The following FTO variants were observed in gnomAD, a reference collection of about 807,000 sequenced individuals.
FTO encodes the protein alpha-ketoglutarate-dependent dioxygenase FTO.
FTO carries 47 observed loss-of-function variants against 63.9 expected under a neutral mutation model. The observed-to-expected ratio is 0.74, with a 90% confidence interval of 0.58 to 0.94. FTO has a LOEUF of 0.94. Among genes scored for constraint, FTO ranks in the 40% least tolerant of loss-of-function variants. The pLI is 0.00. For missense variants in FTO, 562 were observed against 618.1 expected (o/e 0.91, Z 0.96); for synonymous variants, 207 against 224.4 (o/e 0.92, Z 0.69).
intron 8 of FTO, among the ~76,000 whole-genome samples, chr16:53,945,429 G>A (rs1329515856): frequency 1.3e-5 from 2 of 152,208 alleles, no homozygotes; most frequent in Non-Finnish European, 2.9e-5. Context: ...AAGCCAAGAC[G>A]GCCCAGGTTG....
chr16:53,851,757 ATAT>A (rs1168747122), intron 4 of FTO, among the ~76,000 whole-genome samples: 3 of 152,040 alleles, frequency 2.0e-5, no homozygotes, highest in African/African-American at 4.8e-5. Flanking sequence ...TATGTCATTC[ATAT>A]TATTATTGTT....
intron 8 of FTO, among the ~76,000 whole-genome samples, chr16:53,938,744 C>G (rs1192883019): frequency 1.3e-5 from 2 of 152,128 alleles, no homozygotes; most frequent in Non-Finnish European, 2.9e-5. Flanking sequence ...CTGACCCACT[C>G]AGGAAAGTAT....
intron 8 of FTO, among the ~76,000 whole-genome samples, chr16:54,090,453 T>C (rs1330298687): frequency 6.6e-6 from 1 of 152,188 alleles, no homozygotes; most frequent in African/African-American, 2.4e-5. Flanking sequence ...TAGAAATAGA[T>C]AGTGGTGATG....
intron 7 of FTO, among the ~76,000 whole-genome samples, chr16:53,895,945 T>C (rs888354277): frequency 1.3e-5 from 2 of 152,168 alleles, no homozygotes; most frequent in African/African-American, 4.8e-5. Context: ...TTAACCTTGT[T>C]TCTGTAGGAT....
intron 8 of FTO, among the ~76,000 whole-genome samples, chr16:54,088,606 C>A (rs2086303197): frequency 6.6e-6 from 1 of 152,144 alleles, no homozygotes; most frequent in South Asian, 2.1e-4. Context: ...ATTTTGAATG[C>A]CCCACAAATA....
chr16:53,757,873 T>C (rs1330711680), intron 1 of FTO, among the ~76,000 whole-genome samples: 1 of 152,330 alleles, frequency 6.6e-6, no homozygotes, highest in East Asian at 1.9e-4. Flanking sequence ...TGCTTAGATG[T>C]TGAGTGCTAT....
chr16:53,904,683 C>T (rs1337442422), intron 7 of FTO, among the ~76,000 whole-genome samples: 3 of 152,162 alleles, frequency 2.0e-5, no homozygotes, highest in Non-Finnish European at 2.9e-5. Context: ...GGCTCCCCAT[C>T]CCTGGAAACA....
rs189656616 is a variant in FTO at position 53,959,350 on chromosome 16, C to T, written c.1364+25241C>T. Among the ~76,000 whole-genome samples the T allele has an allele frequency of 1.1e-3, 171 of 152,202 alleles. No homozygotes were observed. The East Asian group carries it at 0.015, about 13-fold the overall frequency. On this transcript the variant is annotated intron_variant, in intron 8 of 8. Coordinates refer to ENST00000471389, the MANE Select transcript of FTO (RefSeq NM_001080432.3). ...CTGAATGGGCTTGAATAGTTGCAGT[C>T]CTAACAAATTCTCAGGTGATGTGGA...
intron 8 of FTO, among the ~76,000 whole-genome samples, chr16:54,086,112 T>C (rs1349263049): frequency 5.9e-5 from 9 of 152,192 alleles, no homozygotes; most frequent in African/African-American, 2.2e-4. Context: ...AAATCATAAA[T>C]ACCTGAGAAA....
At chr16:54,066,772 G>T (rs1299302496) in intron 8 of FTO, among the ~76,000 whole-genome samples, 1 of 152,224 alleles carries the variant, frequency 6.6e-6, no homozygotes, top group Admixed American at 6.5e-5. Context: ...AGTAGGAAAG[G>T]TGTCCCTGCC....
rs576410322 is a variant in FTO, at chr16:53,934,021, C to T, written c.1276C>T (p.Leu426Phe). Reference sequence around the variant, plus strand: ...GCTTCATGAAGTTAAAAGAGAGGGGCTCCCCGTGGAACAAAGGAATGAAAT... The same window carrying T: ...GCTTCATGAAGTTAAAAGAGAGGGGTTCCCCGTGGAACAAAGGAATGAAAT... The part of the protein sequence containing the change: ...AVLHEVKREG[L>F]PVEQRNEILT... The change falls in exon 8 of 9, where the codon CTC becomes TTC. Residue 426 changes from leucine to phenylalanine, a missense_variant. By Grantham distance (22) the Leu-to-Phe change is conservative. Coordinates refer to ENST00000471389, the MANE Select transcript of FTO (RefSeq NM_001080432.3). The T allele has an allele frequency of 3.1e-6, 5 of 1,613,902 alleles. 1 individual carries two copies. In the South Asian group the frequency reaches 5.5e-5, roughly 18 times the overall value.
chr16:53,854,487 G>C (rs545977436), intron 4 of FTO, among the ~76,000 whole-genome samples: 1 of 152,172 alleles, frequency 6.6e-6, no homozygotes, highest in South Asian at 2.1e-4. Flanking sequence ...TGAGACACAG[G>C]GATCCAGTTT....
chr16:53,889,804 T>A (rs1259335204), intron 7 of FTO, among the ~76,000 whole-genome samples: 1 of 151,978 alleles, frequency 6.6e-6, no homozygotes, highest in Admixed American at 6.6e-5. Flanking sequence ...CATGGAGGTC[T>A]TGCATTAAGT....
At chr16:54,037,839 A>G (rs1599251511) in intron 8 of FTO, among the ~76,000 whole-genome samples, 1 of 152,258 alleles carries the variant, frequency 6.6e-6, no homozygotes, top group Admixed American at 6.5e-5. Flanking sequence ...TGTAAAAATT[A>G]CGTATGCATA....
chr16:53,928,762 T>C (rs1183539451), intron 7 of FTO, among the ~76,000 whole-genome samples: 1 of 152,210 alleles, frequency 6.6e-6, no homozygotes, highest in Non-Finnish European at 1.5e-5. Flanking sequence ...TTGAGTTAAA[T>C]TAAATTTTAT....
intron 4 of FTO, among the ~76,000 whole-genome samples, chr16:53,864,685 A>T (rs2080260147): frequency 6.6e-6 from 1 of 152,142 alleles, no homozygotes; most frequent in East Asian, 1.9e-4. Flanking sequence ...CTGTATTCTG[A>T]GATAGCTGTG....
At position 53,709,760 on chromosome 16, in the gene FTO, G is replaced by T. The variant is rs573369177; in HGVS notation, c.45+5531G>T. Among the ~76,000 whole-genome samples, 9 of 152,100 alleles carry T rather than the reference G, an allele frequency of 5.9e-5. No homozygotes were observed. In the East Asian group the frequency reaches 1.5e-3, roughly 26 times the overall value. ...TGTTCACTTTATTGCTCTCTTTCTCGCCATATATATCCACATGAACAATTT... is the reference window on the plus strand; with the variant it reads ...TGTTCACTTTATTGCTCTCTTTCTCTCCATATATATCCACATGAACAATTT... On this transcript the variant is annotated intron_variant, in intron 1 of 8. Coordinates refer to ENST00000471389, the MANE Select transcript of FTO (RefSeq NM_001080432.3).
chr16:53,985,639 A>G (rs1374777634), intron 8 of FTO, among the ~76,000 whole-genome samples: 2 of 152,218 alleles, frequency 1.3e-5, no homozygotes, highest in African/African-American at 4.8e-5. Context: ...TGGCATCGAG[A>G]AAATGAACGC....
chr16:54,110,388 A>G (rs1008687227), intron 8 of FTO, among the ~76,000 whole-genome samples: 10 of 152,220 alleles, frequency 6.6e-5, no homozygotes, highest in African/African-American at 2.2e-4. Context: ...GATGTGCTAC[A>G]TAATAGTACT....
Sources: gnomAD v4.1 joint callset for allele counts (sites outside exome capture counted in the v4.1 genomes callset) on GRCh38, gnomAD v4.1.1 for gene constraint, MANE v1.5 for transcripts, NCBI Gene and HGNC (gene_info 2026-07-23, HGNC 2026-07-21) for gene names.